The following ROS1 variants were observed in gnomAD, a reference collection of about 807,000 sequenced individuals.
ROS1 encodes the protein proto-oncogene tyrosine-protein kinase ROS.
A neutral mutation model predicts 273.5 loss-of-function variants in ROS1; 263 were observed. That is an observed-to-expected ratio of 0.96 (90% CI 0.87 to 1.06). The LOEUF is 1.06. Among genes scored for constraint, ROS1 ranks in the 50% least tolerant of loss-of-function variants. The pLI is 0.00. For missense variants in ROS1, 2,833 were observed against 2,751.1 expected, an observed-to-expected ratio of 1.03 and a Z score of -0.67; for synonymous variants, 1,008 against 954.1, an observed-to-expected ratio of 1.06 and a Z score of -1.04.
rs867465351 is a variant in ROS1 at position 117,389,835 on chromosome 6, T to C, written c.1301A>G (p.Tyr434Cys). 3 of 1,604,926 alleles carry C rather than the reference T, an allele frequency of 1.9e-6. No individual in the cohort carries two copies. The African/African-American group carries it at 4.0e-5, about 21-fold the overall frequency. ...TCTATAAATGCCATCTCTCAGGAGG[T>C]AAAAGACATACCTGACACAGGAACA... ...VADSYNGYVF[Y>C]LLRDGIYRAD... The change falls in exon 13 of 44, where the codon TAC (tyrosine) becomes TGC (cysteine). Residue 434 changes from tyrosine (Y) to cysteine (C), a missense_variant. Physicochemically the swap from Tyr to Cys is radical, Grantham distance 194. Transcript: ENST00000368507.
intron 23 of ROS1, 50 bp downstream of exon 23, chr6:117,360,292 A>ACACACACACAAC: frequency 7.3e-7 from 1 of 1,366,682 alleles, no homozygotes; most frequent in Non-Finnish European, 1.0e-6. Flanking sequence ...ACACACACAC[A>ACACACACACAAC]CACACACGCC....
chr6:117,312,384 C>T (rs549142073), intron 39 of ROS1, among the ~76,000 whole-genome samples: 2 of 152,118 alleles, frequency 1.3e-5, no homozygotes, highest in African/African-American at 4.8e-5. Flanking sequence ...TGTTCTGGGG[C>T]TCACTATTGC....
At chr6:117,364,664 A>G (rs1290566225) in intron 21 of ROS1, among the ~76,000 whole-genome samples, 1 of 152,220 alleles carries the variant, frequency 6.6e-6, no homozygotes, top group East Asian at 1.9e-4. Flanking sequence ...TTTCCCCAAA[A>G]CATTAAATTT....
intron 5 of ROS1, among the ~76,000 whole-genome samples, chr6:117,408,017 A>G (rs1330261574): frequency 6.6e-6 from 1 of 152,178 alleles, no homozygotes; most frequent in Non-Finnish European, 1.5e-5. Context: ...CATATGTAGA[A>G]AGCTGAAACT....
intron 43 of ROS1, among the ~76,000 whole-genome samples, chr6:117,300,229 G>A (rs1774609121): frequency 6.6e-6 from 1 of 151,092 alleles, no homozygotes; most frequent in African/African-American, 2.4e-5. Flanking sequence ...GGGATTACAG[G>A]CGTGAGCCAC....
At chr6:117,408,456 T>A (rs1774611514) in intron 5 of ROS1, among the ~76,000 whole-genome samples, 1 of 152,012 alleles carries the variant, frequency 6.6e-6, no homozygotes, top group Non-Finnish European at 1.5e-5. Flanking sequence ...AAAAAACACA[T>A]GAAAAAATGC....
chr6:117,319,824 A>T (rs764715778), intron 37 of ROS1, 44 bp downstream of exon 37: 1 of 1,543,254 alleles, frequency 6.5e-7, no homozygotes, highest in Non-Finnish European at 8.9e-7. Context: ...ATCTTTGTAG[A>T]TATGGTGATA....
rs1773303300 is a variant in ROS1 at position 117,394,193 on chromosome 6, T to A, written c.1160A>T (p.Tyr387Phe). The A allele has an allele frequency of 2.5e-6, 4 of 1,596,618 alleles. No individual in the cohort carries two copies. The highest frequency in any genetic ancestry group is 3.4e-6 in the Non-Finnish European group (4 of 1,172,938). Residue 387 changes from tyrosine (Y) to phenylalanine (F), a missense_variant, in exon 11 of 44, where the codon TAT becomes TTT. Tyr to Phe is a conservative substitution (Grantham distance 22). Coordinates refer to ENST00000368507, the MANE Select transcript of ROS1 (RefSeq NM_001378902.1). Reference sequence around the variant, plus strand: ...ATCCATGATGAAATACATTCTTTGATAAAGCCAATCTATGGAGATAGAAGA... The same window carrying A: ...ATCCATGATGAAATACATTCTTTGAAAAAGCCAATCTATGGAGATAGAAGA... ...LISSISIDWL[Y>F]QRMYFIMDEL... is the part of the protein sequence containing the mutation.
intron 1 of ROS1, among the ~76,000 whole-genome samples, chr6:117,421,318 T>C (rs1405391298): frequency 1.3e-5 from 2 of 151,266 alleles, no homozygotes; most frequent in Non-Finnish European, 2.9e-5. Context: ...ATGGATAAAT[T>C]ATATAGTGGT....
chr6:117,292,178 G>A (rs564809986), intron 43 of ROS1, among the ~76,000 whole-genome samples: 1 of 152,070 alleles, frequency 6.6e-6, no homozygotes, highest in African/African-American at 2.4e-5. Flanking sequence ...CACCATGTTA[G>A]CCAGGATGGT....
intron 27 of ROS1, among the ~76,000 whole-genome samples, chr6:117,346,254 AT>A (rs905926285): frequency 5.3e-4 from 78 of 146,546 alleles, no homozygotes; most frequent in Middle Eastern, 3.5e-3. Context: ...TTTCCCTTAC[AT>A]TTTTTTTTTT....
chr6:117,402,881 C>T (rs1475494658), intron 7 of ROS1, among the ~76,000 whole-genome samples: 2 of 116,496 alleles, frequency 1.7e-5, no homozygotes, highest in Non-Finnish European at 3.4e-5. Flanking sequence ...GAGCAAGACT[C>T]TGTCTCCAAA....
intron 9 of ROS1, 87 bp from the exon 10 acceptor site, chr6:117,394,825 G>T: frequency 1.7e-6 from 2 of 1,204,876 alleles, no homozygotes; most frequent in Non-Finnish European, 2.2e-6. Context: ...ACCCTTCAAA[G>T]CAAGGGGACT....
intron 42 of ROS1, among the ~76,000 whole-genome samples, chr6:117,308,254 C>T (rs898710928): frequency 2.6e-5 from 4 of 152,092 alleles, no homozygotes; most frequent in African/African-American, 9.7e-5. Flanking sequence ...CCAGGATTCG[C>T]TAAAGTTACA....
intron 7 of ROS1, among the ~76,000 whole-genome samples, chr6:117,399,862 ATCTCACTCAT>A (rs1773804297): frequency 6.6e-6 from 1 of 152,164 alleles, no homozygotes; most frequent in Admixed American, 6.5e-5. Context: ...GTACTTTCAA[ATCTCACTCAT>A]TCTCTCAATC....
chr6:117,324,337 G>A lies in ROS1; in HGVS notation c.5618C>T (p.Thr1873Ile), dbSNP rs1365189835. The A allele has an allele frequency of 6.8e-7, 1 of 1,476,238 alleles. No homozygotes were observed. Among genetic ancestry groups the A allele is most frequent in the Non-Finnish European group, 9.4e-7 (1 of 1,063,950 alleles). The allele number at this position is 1,476,238 out of a possible 1,614,324, so 91.4% of individuals were successfully genotyped here. Residue 1873 changes from threonine (T) to isoleucine (I), a missense_variant, in exon 35 of 44, where the codon ACC becomes ATC. Transcript: ENST00000368507. ...AAAAATTCTATTATACTTACCAAAG[G>A]TCAGTGGGATTGTAACAACCAGAAA... ...GIFLVVTIPL[T>I]FVWHRRLKNQ...
chr6:117,350,759 T>TC (rs1220913985), intron 27 of ROS1, among the ~76,000 whole-genome samples: 1 of 151,548 alleles, frequency 6.6e-6, no homozygotes, highest in Non-Finnish European at 1.5e-5. Context: ...AGAGATTCCT[T>TC]CCTCAGCCAC....
Position 117,367,179 on chromosome 6 carries a change from A to C in ROS1, c.2583-889T>G, listed in dbSNP as rs529496772. Reference sequence around the variant, plus strand: ...CTATAGATGTGAAGTTAGCCTACGGATGTGAAGCAGAAGGGCTTTGGGACC... The same window carrying C: ...CTATAGATGTGAAGTTAGCCTACGGCTGTGAAGCAGAAGGGCTTTGGGACC... On this transcript the variant is annotated intron_variant, in intron 18 of 43. Transcript: ENST00000368507. 2.5e-3 allele frequency among the ~76,000 whole-genome samples: 385 copies of C among 152,312 alleles called. 2 individuals carry two copies. The highest frequency in any genetic ancestry group is 9.0e-3 in the African/African-American group (374 of 41,580).
intron 7 of ROS1, among the ~76,000 whole-genome samples, chr6:117,400,503 GAT>G (rs1397666289): frequency 6.6e-6 from 1 of 152,196 alleles, no homozygotes; most frequent in Non-Finnish European, 1.5e-5. Flanking sequence ...CAGCAGCTCA[GAT>G]AAAGTTATAT....
Sources: gnomAD v4.1 joint callset for allele counts (sites outside exome capture counted in the v4.1 genomes callset) on GRCh38, gnomAD v4.1.1 for gene constraint, MANE v1.5 for transcripts, NCBI Gene and HGNC (gene_info 2026-07-23, HGNC 2026-07-21) for gene names.